The following SLC35F1 variants were observed in gnomAD, a reference collection of about 807,000 sequenced individuals.
SLC35F1 encodes the protein solute carrier family 35 member F1.
A neutral mutation model predicts 48.7 loss-of-function variants in SLC35F1; 14 were observed. The observed-to-expected ratio is 0.29, with a 90% CI of 0.19 to 0.45. SLC35F1 has a LOEUF of 0.45. SLC35F1 is among the 20% of genes least tolerant of loss of function. The pLI is 1.00. For missense variants in SLC35F1, 404 were observed against 500.0 expected, an observed-to-expected ratio of 0.81 and a Z score of 1.83; for synonymous variants, 190 against 202.2, an observed-to-expected ratio of 0.94 and a Z score of 0.51.
chr6:118,023,153 C>A (rs1777419410), intron 1 of SLC35F1, among the ~76,000 whole-genome samples: 2 of 152,156 alleles, frequency 1.3e-5, no homozygotes, highest in African/African-American at 4.8e-5. Flanking sequence ...GGTAAAATTT[C>A]TTTGCTCAAG....
At chr6:118,039,796 A>ATTTTTTTTT (rs1312799873) in intron 1 of SLC35F1, among the ~76,000 whole-genome samples, 3 of 55,914 alleles carry the variant, frequency 5.4e-5, no homozygotes, top group African/African-American at 9.3e-5. Context: ...GCATCTCAGG[A>ATTTTTTTTT]TTGTTTTTTT....
chr6:118,215,093 G>C (rs1582733732), intron 2 of SLC35F1, among the ~76,000 whole-genome samples: 1 of 152,026 alleles, frequency 6.6e-6, no homozygotes, highest in Non-Finnish European at 1.5e-5. Context: ...TCCTGGGTCT[G>C]GTCACTGATA....
intron 2 of SLC35F1, among the ~76,000 whole-genome samples, chr6:118,162,961 C>CTTTCTT (rs1774260340): frequency 1.4e-5 from 2 of 143,388 alleles, no homozygotes; most frequent in East Asian, 4.1e-4. Flanking sequence ...TCTTTTCTTT[C>CTTTCTT]TTTTTTTTTT....
chr6:118,311,517 C>T (rs538403758), intron 7 of SLC35F1, among the ~76,000 whole-genome samples: 2 of 152,338 alleles, frequency 1.3e-5, no homozygotes, highest in Admixed American at 6.5e-5. Flanking sequence ...AGGCCAGGCG[C>T]GATGGCCCAC....
At chr6:117,949,031 A>G (rs1200342504) in intron 1 of SLC35F1, among the ~76,000 whole-genome samples, 3 of 152,164 alleles carry the variant, frequency 2.0e-5, no homozygotes. Flanking sequence ...TTATGCCCCA[A>G]GCGGGGTGCT....
intron 1 of SLC35F1, among the ~76,000 whole-genome samples, chr6:118,015,109 C>T (rs1340868318): frequency 2.0e-5 from 3 of 152,158 alleles, no homozygotes; most frequent in Admixed American, 2.0e-4. Flanking sequence ...TTCCCTGTTG[C>T]CACGTAAGAC....
chr6:118,075,026 A>G (rs1472022519), intron 1 of SLC35F1, among the ~76,000 whole-genome samples: 1 of 152,186 alleles, frequency 6.6e-6, no homozygotes, highest in Non-Finnish European at 1.5e-5. Context: ...TTTACTTTCC[A>G]ATGCCTTTTT....
At chr6:118,064,958 GA>G (rs765376184) in intron 1 of SLC35F1, among the ~76,000 whole-genome samples, 5 of 152,156 alleles carry the variant, frequency 3.3e-5, no homozygotes, top group African/African-American at 4.8e-5. Context: ...ATATATTAGG[GA>G]AAAATCCTAC....
chr6:117,956,135 C>G (rs1421524459), intron 1 of SLC35F1, among the ~76,000 whole-genome samples: 1 of 152,166 alleles, frequency 6.6e-6, no homozygotes, highest in African/African-American at 2.4e-5. Flanking sequence ...GCTTCCAGGC[C>G]TACTATTACA....
At chr6:118,105,886 C>T (rs1773321165) in intron 1 of SLC35F1, among the ~76,000 whole-genome samples, 2 of 152,074 alleles carry the variant, frequency 1.3e-5, no homozygotes, top group South Asian at 4.2e-4. Flanking sequence ...AGTATGATGA[C>T]CTTATTCATG....
chr6:118,009,413 G>T (rs551503962), intron 1 of SLC35F1, among the ~76,000 whole-genome samples: 10 of 152,272 alleles, frequency 6.6e-5, no homozygotes, highest in Admixed American at 2.0e-4. Context: ...ATCCCAGAAT[G>T]CCACCTGGTC....
At chr6:118,286,317 C>G (rs146359169) in intron 7 of SLC35F1, among the ~76,000 whole-genome samples, 106 of 152,278 alleles carry the variant, frequency 7.0e-4, no homozygotes, top group African/African-American at 2.5e-3. Context: ...GATGGGGCAC[C>G]TTGGTAGGCA....
chr6:118,112,091 CT>C (rs1452637913), intron 1 of SLC35F1, among the ~76,000 whole-genome samples: 1,894 of 23,514 alleles, frequency 0.081, 38 homozygotes, highest in South Asian at 0.19. Context: ...TCTTTCTTTT[CT>C]TTTCTTTTCT....
At chr6:118,296,628 C>A (rs1776187809) in intron 7 of SLC35F1, among the ~76,000 whole-genome samples, 2 of 152,164 alleles carry the variant, frequency 1.3e-5, no homozygotes, top group Admixed American at 1.3e-4. Flanking sequence ...GTACAAAAAT[C>A]TATTCATGAA....
intron 5 of SLC35F1, among the ~76,000 whole-genome samples, chr6:118,276,828 G>A (rs1449274667): frequency 6.6e-6 from 1 of 152,128 alleles, no homozygotes; most frequent in African/African-American, 2.4e-5. Context: ...AATGGAAGTG[G>A]CACTAGGGTG....
chr6:118,146,785 C>A (rs1366101960), intron 1 of SLC35F1, among the ~76,000 whole-genome samples: 1 of 152,086 alleles, frequency 6.6e-6, no homozygotes, highest in Non-Finnish European at 1.5e-5. Context: ...TGTGGCTAAT[C>A]CCAAAACCCA....
At chr6:118,001,541 C>G (rs1294874800) in intron 1 of SLC35F1, among the ~76,000 whole-genome samples, 2 of 152,124 alleles carry the variant, frequency 1.3e-5, no homozygotes, top group African/African-American at 4.8e-5. Flanking sequence ...TAGGCATGGG[C>G]AAGGACTTCA....
At chr6:118,193,773 G>A (rs1010017611) in intron 2 of SLC35F1, among the ~76,000 whole-genome samples, 2 of 152,132 alleles carry the variant, frequency 1.3e-5, no homozygotes, top group African/African-American at 2.4e-5. Flanking sequence ...AGCTAGGGGT[G>A]TGGCTAACTC....
chr6:118,154,171 C>T (rs1016760760), intron 1 of SLC35F1, among the ~76,000 whole-genome samples: 12 of 152,092 alleles, frequency 7.9e-5, no homozygotes, highest in Non-Finnish European at 1.0e-4. Flanking sequence ...CAGGCTCTTT[C>T]GGAGAGATTT....
Sources: allele counts gnomAD v4.1 joint callset (sites outside exome capture counted in the v4.1 genomes callset), GRCh38; gene constraint gnomAD v4.1.1; transcripts MANE v1.5; gene names NCBI Gene and HGNC (gene_info 2026-07-23, HGNC 2026-07-21).